Variants in CNTNAP2 observed in about 807,000 individuals in gnomAD.
CNTNAP2 encodes contactin associated protein 2, also known as contactin-associated protein-like 2.
Under a neutral mutation model 155.2 loss-of-function variants are expected in CNTNAP2, and 98 were observed. That is an observed-to-expected ratio of 0.63 (90% CI 0.54 to 0.75). CNTNAP2 has a LOEUF of 0.75. CNTNAP2 is among the 30% of genes least tolerant of loss of function. The pLI, the probability that CNTNAP2 is intolerant of heterozygous loss-of-function variation, is 0.00. For missense variants in CNTNAP2, 1,727 were observed against 1,688.1 expected, an observed-to-expected ratio of 1.02 and a Z score of -0.40; for synonymous variants, 651 against 631.2, an observed-to-expected ratio of 1.03 and a Z score of -0.47.
At chr7:148,029,566 T>C (rs1326662984) in intron 15 of CNTNAP2, among the ~76,000 whole-genome samples, 2 of 152,184 alleles carry the variant, frequency 1.3e-5, no homozygotes, top group Non-Finnish European at 2.9e-5. Context: ...ATAAACACAT[T>C]CTGAAAACAC....
intron 13 of CNTNAP2, among the ~76,000 whole-genome samples, chr7:147,650,164 C>G (rs367617689): frequency 2.0e-5 from 3 of 151,914 alleles, no homozygotes; most frequent in African/African-American, 7.3e-5. Context: ...ACCTGATAAA[C>G]CTAATCGTAA....
At chr7:147,395,533 G>C (rs1796798891) in intron 9 of CNTNAP2, 76 bp from the exon 10 acceptor site, 1 of 1,426,846 alleles carries the variant, frequency 7.0e-7, no homozygotes, top group Non-Finnish European at 9.9e-7. Flanking sequence ...CTGTGGCCAG[G>C]TAGAATACCC....
intron 3 of CNTNAP2, among the ~76,000 whole-genome samples, chr7:146,855,807 GTATATATATATA>G (rs367900395): frequency 0.025 from 2,785 of 110,904 alleles, 97 homozygotes; most frequent in African/African-American, 0.068. Context: ...GTGTTAATGA[GTATATATATATA>G]TATATATATA....
chr7:146,948,895 G>C (rs1320097580), intron 3 of CNTNAP2, among the ~76,000 whole-genome samples: 2 of 152,150 alleles, frequency 1.3e-5, no homozygotes, highest in Non-Finnish European at 2.9e-5. Context: ...TAGCAATGCT[G>C]TATAGACTGG....
At chr7:148,287,351 A>G (rs192593421) in intron 21 of CNTNAP2, among the ~76,000 whole-genome samples, 2 of 152,330 alleles carry the variant, frequency 1.3e-5, no homozygotes, top group African/African-American at 4.8e-5. Context: ...TATAGAAAAA[A>G]AGGCAAAAGT....
chr7:147,629,403 CAAA>C (rs1437865635), intron 12 of CNTNAP2, among the ~76,000 whole-genome samples: 7 of 87,976 alleles, frequency 8.0e-5, no homozygotes, highest in East Asian at 6.7e-4. Context: ...AACTCTGTCT[CAAA>C]AATAATAATA....
At chr7:148,299,134 G>A (rs1797335687) in intron 21 of CNTNAP2, among the ~76,000 whole-genome samples, 1 of 151,910 alleles carries the variant, frequency 6.6e-6, no homozygotes, top group African/African-American at 2.4e-5. Context: ...GGGACTACAG[G>A]CGCCCACGAC....
intron 8 of CNTNAP2, among the ~76,000 whole-genome samples, chr7:147,256,018 G>A (rs756731661): frequency 1.3e-5 from 2 of 152,180 alleles, no homozygotes; most frequent in East Asian, 1.9e-4. Context: ...TGGGATTACA[G>A]GTGTAAGCCA....
chr7:146,835,797 A>G (rs1803605395), intron 2 of CNTNAP2, among the ~76,000 whole-genome samples: 1 of 152,156 alleles, frequency 6.6e-6, no homozygotes, highest in Non-Finnish European at 1.5e-5. Context: ...GAAAGGAATG[A>G]AACAGAAATT....
intron 11 of CNTNAP2, among the ~76,000 whole-genome samples, chr7:147,514,768 A>C (rs370158746): frequency 6.6e-6 from 1 of 152,152 alleles, no homozygotes; most frequent in East Asian, 1.9e-4. Context: ...GCCTCTCTAC[A>C]CTCACAACCC....
At chr7:146,235,596 G>T (rs1042434289) in intron 1 of CNTNAP2, among the ~76,000 whole-genome samples, 1 of 152,168 alleles carries the variant, frequency 6.6e-6, no homozygotes, top group African/African-American at 2.4e-5. Flanking sequence ...CTTCTCTGGG[G>T]CATAAGGGAT....
intron 21 of CNTNAP2, among the ~76,000 whole-genome samples, chr7:148,302,830 T>TTG (rs1234445677): frequency 1.4e-5 from 2 of 145,536 alleles, no homozygotes; most frequent in African/African-American, 5.1e-5. Context: ...TTTTTTTTTT[T>TTG]TTTTTTGAGA....
At chr7:147,325,962 G>A (rs1795447678) in intron 9 of CNTNAP2, among the ~76,000 whole-genome samples, 1 of 151,990 alleles carries the variant, frequency 6.6e-6, no homozygotes, top group African/African-American at 2.4e-5. Flanking sequence ...TTGCTCTGTA[G>A]CCCTGGCTGG....
chr7:147,351,219 C>G (rs1231809236), intron 9 of CNTNAP2, among the ~76,000 whole-genome samples: 1 of 151,486 alleles, frequency 6.6e-6, no homozygotes, highest in African/African-American at 2.4e-5. Context: ...ACTAATTTAC[C>G]TCTTTATGAT....
intron 1 of CNTNAP2, among the ~76,000 whole-genome samples, chr7:146,286,968 A>G (rs755519143): frequency 6.6e-6 from 1 of 152,052 alleles, no homozygotes; most frequent in Non-Finnish European, 1.5e-5. Flanking sequence ...AACAAACACA[A>G]ATTCCCCCCA....
chr7:148,125,074 C>T (rs955898129), intron 16 of CNTNAP2, among the ~76,000 whole-genome samples: 2 of 151,880 alleles, frequency 1.3e-5, no homozygotes, highest in Non-Finnish European at 2.9e-5. Flanking sequence ...AGTCTCAGAT[C>T]TCATTCTAAA....
At position 146,475,013 on chromosome 7, in the gene CNTNAP2, G is replaced by GCGCACA. The variant is rs71525954; in HGVS notation, c.98-299257_98-299256insGCACAC. Among the ~76,000 whole-genome samples, 784 of 144,372 alleles carry GCGCACA rather than the reference G, an allele frequency of 5.4e-3. 8 individuals carry two copies. Among genetic ancestry groups the GCGCACA allele is most frequent in the African/African-American group, 0.018 (687 of 38,266 alleles). The allele number at this position is 144,372 out of a possible 152,430, so 94.7% of individuals were successfully genotyped here. A position where few individuals can be genotyped will look rare whatever the true frequency, so the allele number is the denominator to read the frequency against. On this transcript the variant is annotated intron_variant, in intron 1 of 23. Transcript: ENST00000361727. The stretch of plus-strand genomic sequence containing the variant: ...CACGAGCGCGCACGCGCGCGCGCGC[G>GCGCACA]CACACACACACACACACACACACAC...
intron 1 of CNTNAP2, among the ~76,000 whole-genome samples, chr7:146,531,185 C>T (rs183806503): frequency 2.7e-4 from 41 of 152,078 alleles, no homozygotes; most frequent in African/African-American, 9.9e-4. Flanking sequence ...CATATGAGCA[C>T]AAAAAAGGGA....
chr7:146,444,638 A>G (rs1206194904), intron 1 of CNTNAP2, among the ~76,000 whole-genome samples: 5 of 151,502 alleles, frequency 3.3e-5, no homozygotes, highest in Non-Finnish European at 7.4e-5. Flanking sequence ...CACATGCTTC[A>G]TAAATCCATA....
Sources: gnomAD v4.1 joint callset for allele counts (sites outside exome capture counted in the v4.1 genomes callset) on GRCh38, gnomAD v4.1.1 for gene constraint, MANE v1.5 for transcripts, NCBI Gene and HGNC (gene_info 2026-07-23, HGNC 2026-07-21) for gene names.